Variants in DOK6 observed in about 807,000 individuals in gnomAD.
The protein encoded by DOK6 is downstream of tyrosine kinase 6.
Under a neutral mutation model 44.0 loss-of-function variants are expected in DOK6, and 22 were observed. The ratio of observed to expected loss-of-function variants is 0.50; its 90% CI spans 0.36 to 0.71. The LOEUF (loss-of-function observed/expected upper bound fraction) is 0.71. DOK6 is among the 30% of genes least tolerant of loss of function. The pLI, the probability that DOK6 is intolerant of heterozygous loss-of-function variation, is 0.00. For synonymous variants in DOK6, 166 were observed against 145.5 expected, an observed-to-expected ratio of 1.14 and a Z score of -1.01; for missense variants, 340 against 416.4, an observed-to-expected ratio of 0.82 and a Z score of 1.60.
intron 2 of DOK6, among the ~76,000 whole-genome samples, chr18:69,567,867 T>G (rs1204725366): frequency 6.6e-6 from 1 of 152,212 alleles, no homozygotes; most frequent in Non-Finnish European, 1.5e-5. Context: ...CATCAGCAGC[T>G]TACTTACATT....
At chr18:69,525,535 A>C (rs1981805135) in intron 1 of DOK6, among the ~76,000 whole-genome samples, 1 of 152,024 alleles carries the variant, frequency 6.6e-6, no homozygotes, top group South Asian at 2.1e-4. Flanking sequence ...TCTTTGTCTT[A>C]AATCCAACAT....
At chr18:69,749,706 C>A (rs547380663) in intron 6 of DOK6, among the ~76,000 whole-genome samples, 1 of 151,788 alleles carries the variant, frequency 6.6e-6, no homozygotes, top group African/African-American at 2.4e-5. Flanking sequence ...TCTAGGAGGC[C>A]GAGGCAGGTA....
rs554746460 is a variant in DOK6, at chr18:69,495,893, C to G, written c.67-68594C>G. Among the ~76,000 whole-genome samples, 5 of 152,346 alleles carry G rather than the reference C, an allele frequency of 3.3e-5. No homozygotes were observed. The South Asian group carries it at 1.0e-3, about 32-fold the overall frequency. On this transcript the variant is annotated intron_variant, in intron 1 of 7. Coordinates refer to ENST00000382713, the MANE Select transcript of DOK6 (RefSeq NM_152721.6). The stretch of plus-strand genomic sequence containing the variant: ...CAGCACTGCCCCAAGTGTGCGCACA[C>G]CCAGCCAGACTGGGACAGCACCTGG...
At chr18:69,508,609 T>C (rs1229402922) in intron 1 of DOK6, among the ~76,000 whole-genome samples, 4 of 152,142 alleles carry the variant, frequency 2.6e-5, no homozygotes. Flanking sequence ...TGGAGATTGA[T>C]AGCGTTTGGG....
intron 6 of DOK6, among the ~76,000 whole-genome samples, chr18:69,757,294 A>T (rs990562232): frequency 2.0e-5 from 3 of 152,248 alleles, no homozygotes; most frequent in African/African-American, 7.2e-5. Flanking sequence ...GGGTAAAAAA[A>T]AATAATAACG....
intron 7 of DOK6, among the ~76,000 whole-genome samples, chr18:69,814,069 G>A (rs1271831245): frequency 6.6e-6 from 1 of 151,930 alleles, no homozygotes; most frequent in African/African-American, 2.4e-5. Flanking sequence ...AGTGGCAGGT[G>A]TCTGACCCAG....
chr18:69,544,318 T>C (rs17081206), intron 1 of DOK6, among the ~76,000 whole-genome samples: 8,622 of 151,560 alleles, frequency 0.057, 836 homozygotes, highest in African/African-American at 0.19. Context: ...ATATCAATGT[T>C]ATATTATCCA....
chr18:69,702,085 C>T (rs1383024141), intron 5 of DOK6, among the ~76,000 whole-genome samples: 1 of 149,632 alleles, frequency 6.7e-6, no homozygotes, highest in Non-Finnish European at 1.5e-5. Context: ...CACATATGGA[C>T]TCCAACATTT....
At chr18:69,607,943 G>T (rs1338131179) in intron 3 of DOK6, among the ~76,000 whole-genome samples, 2 of 152,158 alleles carry the variant, frequency 1.3e-5, no homozygotes, top group African/African-American at 4.8e-5. Flanking sequence ...CTTATAAAGT[G>T]ACAAGGAGGA....
chr18:69,584,056 C>T (rs1249654399), intron 2 of DOK6, among the ~76,000 whole-genome samples: 1 of 142,998 alleles, frequency 7.0e-6, no homozygotes, highest in African/African-American at 2.6e-5. Flanking sequence ...TGCAGTGAGC[C>T]GAGATCGCGC....
At chr18:69,653,899 T>C (rs1985295598) in intron 3 of DOK6, among the ~76,000 whole-genome samples, 1 of 137,244 alleles carries the variant, frequency 7.3e-6, no homozygotes, top group Non-Finnish European at 1.6e-5. Flanking sequence ...CCACCAATCA[T>C]TCCAGGAGAA....
At chr18:69,757,542 C>T (rs1277145247) in intron 6 of DOK6, among the ~76,000 whole-genome samples, 3 of 152,176 alleles carry the variant, frequency 2.0e-5, no homozygotes, top group African/African-American at 7.2e-5. Flanking sequence ...TCTTAATGTT[C>T]TCTTCTTAAT....
chr18:69,648,054 A>T (rs1985128980), intron 3 of DOK6, among the ~76,000 whole-genome samples: 1 of 152,194 alleles, frequency 6.6e-6, no homozygotes, highest in Admixed American at 6.5e-5. Flanking sequence ...TCATATAATC[A>T]TCATGAAGCC....
chr18:69,830,580 A>C (rs539141354), intron 7 of DOK6, among the ~76,000 whole-genome samples: 174 of 152,334 alleles, frequency 1.1e-3, no homozygotes, highest in Non-Finnish European at 2.0e-3. Flanking sequence ...TAAAACTTTG[A>C]GAAAATAAAT....
intron 1 of DOK6, among the ~76,000 whole-genome samples, chr18:69,556,622 T>C (rs976141501): frequency 6.6e-6 from 1 of 152,230 alleles, no homozygotes; most frequent in African/African-American, 2.4e-5. Flanking sequence ...TTTTATTCGT[T>C]TAAATTCTTT....
chr18:69,456,629 A>G (rs1979641148), intron 1 of DOK6, among the ~76,000 whole-genome samples: 1 of 152,120 alleles, frequency 6.6e-6, no homozygotes, highest in Non-Finnish European at 1.5e-5. Flanking sequence ...ATGTATCTTT[A>G]TGGTAGAATG....
chr18:69,726,409 G>A (rs963647228), intron 5 of DOK6, among the ~76,000 whole-genome samples: 49 of 151,576 alleles, frequency 3.2e-4, no homozygotes, highest in African/African-American at 1.0e-3. Flanking sequence ...TCCAGTTTCC[G>A]GCTAAGCATT....
chr18:69,629,579 C>G (rs1984642538), intron 3 of DOK6, among the ~76,000 whole-genome samples: 1 of 152,132 alleles, frequency 6.6e-6, no homozygotes, highest in African/African-American at 2.4e-5. Flanking sequence ...ATTATTGAGA[C>G]TTGGCACTGA....
chr18:69,676,353 A>C (rs1761134824), intron 3 of DOK6, among the ~76,000 whole-genome samples: 1 of 152,212 alleles, frequency 6.6e-6, no homozygotes, highest in Admixed American at 6.5e-5. Context: ...TCATTGATGA[A>C]ACTTATTTTT....
Sources: allele counts gnomAD v4.1 joint callset (sites outside exome capture counted in the v4.1 genomes callset), GRCh38; gene constraint gnomAD v4.1.1; transcripts MANE v1.5; gene names NCBI Gene and HGNC (gene_info 2026-07-23, HGNC 2026-07-21).